Variants in LRP1B observed in about 807,000 individuals in gnomAD.
The protein encoded by LRP1B is low-density lipoprotein receptor-related protein 1B.
Under a neutral mutation model 556.6 loss-of-function variants are expected in LRP1B, and 217 were observed. The ratio of observed to expected loss-of-function variants is 0.39; its 90% CI spans 0.35 to 0.44. The LOEUF is 0.44. Among genes scored for constraint, LRP1B ranks in the 20% least tolerant of loss-of-function variants. The pLI is 1.00. For synonymous variants in LRP1B, 2,047 were observed against 1,865.8 expected, an observed-to-expected ratio of 1.10 and a Z score of -2.50; for missense variants, 5,053 against 5,620.8, an observed-to-expected ratio of 0.90 and a Z score of 3.23.
intron 3 of LRP1B, among the ~76,000 whole-genome samples, chr2:141,432,845 C>G (rs199926843): frequency 1.0e-5 from 1 of 99,284 alleles, no homozygotes; most frequent in Non-Finnish European, 2.5e-5. Flanking sequence ...TTTCAAACTT[C>G]CGATTTCATG....
intron 2 of LRP1B, among the ~76,000 whole-genome samples, chr2:141,539,148 A>T (rs1364371575): frequency 6.6e-6 from 1 of 152,164 alleles, no homozygotes; most frequent in Admixed American, 6.6e-5. Context: ...AATTGAACAC[A>T]AACTGTGCAT....
intron 2 of LRP1B, among the ~76,000 whole-genome samples, chr2:141,644,820 T>C (rs1260723812): frequency 2.0e-5 from 3 of 147,566 alleles, no homozygotes; most frequent in East Asian, 2.0e-4. Flanking sequence ...ATGGAAAAAA[T>C]AGACTTGGAA....
intron 2 of LRP1B, among the ~76,000 whole-genome samples, chr2:141,713,592 A>C (rs2105482602): frequency 6.6e-6 from 1 of 152,288 alleles, no homozygotes; most frequent in East Asian, 1.9e-4. Flanking sequence ...TTTTGTGAGC[A>C]CTTATTAGTT....
At chr2:141,783,307 G>A (rs1482633480) in intron 2 of LRP1B, among the ~76,000 whole-genome samples, 1 of 151,986 alleles carries the variant, frequency 6.6e-6, no homozygotes, top group East Asian at 1.9e-4. Flanking sequence ...AGAGAGAGAG[G>A]AGTTCATTTA....
chr2:141,308,184 C>A (rs943371505), intron 3 of LRP1B, among the ~76,000 whole-genome samples: 1 of 152,136 alleles, frequency 6.6e-6, no homozygotes. Context: ...ATGTAAGTCA[C>A]TGCAAAATAG....
intron 41 of LRP1B, among the ~76,000 whole-genome samples, chr2:140,642,010 T>A (rs1684312940): frequency 6.6e-6 from 1 of 152,052 alleles, no homozygotes; most frequent in African/African-American, 2.4e-5. Context: ...TTAGCCAAAA[T>A]CCTCACAGAT....
intron 2 of LRP1B, among the ~76,000 whole-genome samples, chr2:141,519,427 G>A (rs1684457040): frequency 7.5e-6 from 1 of 133,718 alleles, no homozygotes; most frequent in Non-Finnish European, 1.6e-5. Flanking sequence ...ATTGAATTTA[G>A]TTTTTAAGCA....
At chr2:140,392,155 G>A (rs775123105) in intron 66 of LRP1B, among the ~76,000 whole-genome samples, 3 of 152,204 alleles carry the variant, frequency 2.0e-5, no homozygotes, top group Admixed American at 6.5e-5. Context: ...ATTACATCAG[G>A]CAAACCTGTC....
intron 3 of LRP1B, among the ~76,000 whole-genome samples, chr2:141,365,622 T>C (rs538635217): frequency 1.4e-3 from 206 of 150,974 alleles, no homozygotes; most frequent in South Asian, 3.1e-3. Context: ...AGAAAAAACA[T>C]GTTCTAATTT....
chr2:141,096,185 G>T (rs373048703), intron 7 of LRP1B, among the ~76,000 whole-genome samples: 4 of 152,058 alleles, frequency 2.6e-5, no homozygotes, highest in African/African-American at 7.2e-5. Context: ...TAGGATAAAG[G>T]TTATTAAACT....
At chr2:140,889,104 A>G (rs1482936581) in intron 23 of LRP1B, among the ~76,000 whole-genome samples, 2 of 152,212 alleles carry the variant, frequency 1.3e-5, no homozygotes, top group Non-Finnish European at 2.9e-5. Flanking sequence ...TACTCAAGTT[A>G]TCTACATAGA....
chr2:140,679,264 T>A (rs1435012760), intron 41 of LRP1B, among the ~76,000 whole-genome samples: 2 of 152,168 alleles, frequency 1.3e-5, no homozygotes, highest in Non-Finnish European at 2.9e-5. Context: ...CCACATACAC[T>A]CATGTGCGGA....
chr2:141,242,644 C>T (rs1683921137), intron 5 of LRP1B, among the ~76,000 whole-genome samples: 1 of 151,958 alleles, frequency 6.6e-6, no homozygotes. Flanking sequence ...AATTACTCCG[C>T]GGCAAAGAGG....
At chr2:141,519,396 TATATATGAA>T (rs1273433533) in intron 2 of LRP1B, among the ~76,000 whole-genome samples, 591 of 21,734 alleles carry the variant, frequency 0.027, 18 homozygotes, top group Non-Finnish European at 0.037. Flanking sequence ...TATATATATA[TATATATGAA>T]ATGCAATATT....
chr2:141,694,074 A>T (rs544557304), intron 2 of LRP1B, among the ~76,000 whole-genome samples: 1 of 152,154 alleles, frequency 6.6e-6, no homozygotes, highest in East Asian at 1.9e-4. Flanking sequence ...CGCGGAATGT[A>T]AATTCCTAAG....
At chr2:141,586,302 T>C (rs1002057660) in intron 2 of LRP1B, among the ~76,000 whole-genome samples, 2 of 152,210 alleles carry the variant, frequency 1.3e-5, no homozygotes, top group African/African-American at 2.4e-5. Context: ...GATAGATTCT[T>C]AGCATCAACT....
At chr2:142,083,034 A>G (rs900779520) in intron 1 of LRP1B, among the ~76,000 whole-genome samples, 1 of 152,154 alleles carries the variant, frequency 6.6e-6, no homozygotes, top group Non-Finnish European at 1.5e-5. Context: ...CAGAGAAAAG[A>G]TTTTGGGGTG....
At chr2:141,697,340 C>T (rs1022972088) in intron 2 of LRP1B, among the ~76,000 whole-genome samples, 2 of 151,732 alleles carry the variant, frequency 1.3e-5, no homozygotes, top group African/African-American at 2.4e-5. Context: ...AGTAAGTCAC[C>T]GAATCAGTAC....
intron 23 of LRP1B, among the ~76,000 whole-genome samples, chr2:140,894,886 T>C (rs1431296352): frequency 3.3e-5 from 5 of 150,052 alleles, no homozygotes; most frequent in African/African-American, 1.2e-4. Flanking sequence ...GAGGTTGTAG[T>C]GAGACAAAAT....
Sources: allele counts gnomAD v4.1 joint callset (sites outside exome capture counted in the v4.1 genomes callset), GRCh38; gene constraint gnomAD v4.1.1; transcripts MANE v1.5; gene names NCBI Gene and HGNC (gene_info 2026-07-23, HGNC 2026-07-21).